PHACTR3: variants seen among roughly 807,000 people sequenced by gnomAD.
The protein encoded by PHACTR3 is phosphatase and actin regulator 3.
A neutral mutation model predicts 66.8 loss-of-function variants in PHACTR3; 16 were observed. The ratio of observed to expected loss-of-function variants is 0.24; its 90% CI spans 0.16 to 0.36. The LOEUF (loss-of-function observed/expected upper bound fraction) is 0.36, where lower values mean the gene tolerates loss of function less well. Among genes scored for constraint, PHACTR3 ranks in the 10% least tolerant of loss-of-function variants. The probability of loss-of-function intolerance (pLI) is 1.00; values close to 1 mark genes in which losing one functional copy is unlikely to be tolerated. For synonymous variants in PHACTR3, 323 were observed against 292.1 expected, an observed-to-expected ratio of 1.11 and a Z score of -1.08; for missense variants, 647 against 719.9, an observed-to-expected ratio of 0.90 and a Z score of 1.16.
intron 1 of PHACTR3, among the ~76,000 whole-genome samples, chr20:59,635,571 G>C (rs144463267): frequency 2.0e-5 from 3 of 152,124 alleles, no homozygotes; most frequent in Non-Finnish European, 2.9e-5. Flanking sequence ...CTGATTCAAA[G>C]CATCTGTAAA....
At chr20:59,831,645 G>A (rs1280631452) in intron 8 of PHACTR3, among the ~76,000 whole-genome samples, 2 of 152,146 alleles carry the variant, frequency 1.3e-5, no homozygotes, top group Non-Finnish European at 2.9e-5. Flanking sequence ...CCCCTCTGCA[G>A]GGCCTTCTGC....
In PHACTR3 at chr20:59,830,360, T is replaced by A. The variant is rs1600732827; in HGVS notation, c.1329-6145T>A. ...ATTTGATGGAGGAGGGTGTGTCTGATGGAGACGGTGTGAATGTCTGATGGA... is the reference window on the plus strand; with the variant it reads ...ATTTGATGGAGGAGGGTGTGTCTGAAGGAGACGGTGTGAATGTCTGATGGA... On this transcript the variant is annotated intron_variant, in intron 8 of 12. Coordinates refer to ENST00000371015, the MANE Select transcript of PHACTR3 (RefSeq NM_080672.5). This position sits in a 1 kb window ranked among gnomAD's most constrained non-coding sequence, Gnocchi z 5.8. 6.6e-6 allele frequency among the ~76,000 whole-genome samples: 1 copy of A among 151,788 alleles called. No individual in the cohort carries two copies. Among genetic ancestry groups the A allele is most frequent in the East Asian group, 1.9e-4 (1 of 5,152 alleles).
chr20:59,801,653 A>C (rs553009516), intron 7 of PHACTR3, among the ~76,000 whole-genome samples: 4 of 152,168 alleles, frequency 2.6e-5, no homozygotes, highest in Admixed American at 6.5e-5. Context: ...GCACCAGATC[A>C]CTCCGCAGCT....
chr20:59,743,270 TA>T lies in PHACTR3; in HGVS notation c.280+5del. 1 of 1,613,796 alleles carries T rather than the reference TA, an allele frequency of 6.2e-7. No individual in the cohort carries two copies. The highest frequency in any genetic ancestry group is 1.7e-4 in the Middle Eastern group (1 of 6,058). The stretch of plus-strand genomic sequence containing the variant: ...AAAAACTGAAGCAGACAACGTCAGG[TA>T]AAGGCCTGGTGACAGGCGCGGGCAG... On this transcript the variant is annotated splice_donor_region_variant and intron_variant, in intron 2 of 12. Transcript: ENST00000371015.
At chr20:59,756,460 G>T (rs537691366) in intron 4 of PHACTR3, among the ~76,000 whole-genome samples, 1 of 152,138 alleles carries the variant, frequency 6.6e-6, no homozygotes, top group Non-Finnish European at 1.5e-5. Flanking sequence ...CTCGCAGGCC[G>T]CCCGTCCACA....
intron 1 of PHACTR3, among the ~76,000 whole-genome samples, chr20:59,591,500 GT>G (rs143266858): frequency 2.0e-3 from 300 of 152,286 alleles, no homozygotes; most frequent in African/African-American, 6.6e-3. Flanking sequence ...CAGCTGAGGT[GT>G]TTTTGGGTGA....
chr20:59,637,945 CATT>C (rs1286781309), intron 1 of PHACTR3, among the ~76,000 whole-genome samples: 1 of 152,126 alleles, frequency 6.6e-6, no homozygotes, highest in Non-Finnish European at 1.5e-5. Context: ...AAGAGATTCC[CATT>C]ATTATTATCC....
intron 8 of PHACTR3, among the ~76,000 whole-genome samples, chr20:59,822,997 C>T (rs1306415295): frequency 6.6e-6 from 1 of 152,196 alleles, no homozygotes; most frequent in Non-Finnish European, 1.5e-5. Context: ...AGACAATGCT[C>T]AGCGTCCAAG....
chr20:59,786,930 C>CT (rs2040936175), intron 7 of PHACTR3, among the ~76,000 whole-genome samples: 1 of 54,820 alleles, frequency 1.8e-5, no homozygotes, highest in Non-Finnish European at 8.9e-5. Context: ...TCACTAATCA[C>CT]TATTTTTTTT....
At chr20:59,714,950 G>A (rs188930865) in intron 1 of PHACTR3, among the ~76,000 whole-genome samples, 132 of 152,072 alleles carry the variant, frequency 8.7e-4, no homozygotes, top group African/African-American at 2.8e-3. Context: ...AAGTTATCTC[G>A]TTTAAATATA....
At chr20:59,824,296 C>T (rs2042125793) in intron 8 of PHACTR3, among the ~76,000 whole-genome samples, 1 of 152,190 alleles carries the variant, frequency 6.6e-6, no homozygotes, top group African/African-American at 2.4e-5. Context: ...TGGCAGAAAG[C>T]TCATGAGCAG....
intron 3 of PHACTR3, among the ~76,000 whole-genome samples, chr20:59,751,906 C>G (rs1203828060): frequency 6.6e-6 from 1 of 152,140 alleles, no homozygotes; most frequent in Admixed American, 6.5e-5. Context: ...CTTCCCCAGC[C>G]CCCTTGCCCT....
chr20:59,600,199 C>A (rs2033435625), upstream of PHACTR3, among the ~76,000 whole-genome samples: 1 of 152,220 alleles, frequency 6.6e-6, no homozygotes, highest in South Asian at 2.1e-4. Context: ...TGCCCTTGCA[C>A]TTCCAGAGCA....
chr20:59,720,610 C>T (rs912328898), intron 1 of PHACTR3, among the ~76,000 whole-genome samples: 1 of 152,178 alleles, frequency 6.6e-6, no homozygotes. Context: ...AAGGGGAAGC[C>T]GAAGGTGCAC....
intron 1 of PHACTR3, among the ~76,000 whole-genome samples, chr20:59,629,133 G>A (rs2034570799): frequency 6.6e-6 from 1 of 152,218 alleles, no homozygotes; most frequent in Admixed American, 6.5e-5. Flanking sequence ...TAAATAATGA[G>A]GCGCCAGGCC....
chr20:59,810,372 A>T (rs1389351507), intron 8 of PHACTR3, among the ~76,000 whole-genome samples: 1 of 152,188 alleles, frequency 6.6e-6, no homozygotes, highest in East Asian at 1.9e-4. Context: ...GCTATTTGTC[A>T]CCATGTTTAA....
intron 1 of PHACTR3, among the ~76,000 whole-genome samples, chr20:59,727,963 C>T (rs555549377): frequency 2.7e-4 from 41 of 152,314 alleles, no homozygotes; most frequent in African/African-American, 9.9e-4. Flanking sequence ...AGCCCAAAAT[C>T]GTCTGGCACC....
chr20:59,577,577 G>A, exon 1 of PHACTR3: 1 of 1,207,918 alleles, frequency 8.3e-7, no homozygotes, highest in Non-Finnish European at 1.0e-6. Context: ...GCGCCTTCGG[G>A]GCCCGGGACG....
chr20:59,650,447 T>C (rs2035425135), intron 1 of PHACTR3, among the ~76,000 whole-genome samples: 1 of 152,182 alleles, frequency 6.6e-6, no homozygotes, highest in South Asian at 2.1e-4. Context: ...AGGAAGGCAC[T>C]ATTGCTTTCA....
Sources: allele counts gnomAD v4.1 joint callset (sites outside exome capture counted in the v4.1 genomes callset), GRCh38; gene constraint gnomAD v4.1.1; non-coding constraint Gnocchi (gnomAD v3.1); transcripts MANE v1.5; gene names NCBI Gene and HGNC (gene_info 2026-07-23, HGNC 2026-07-21).